Variants in ERMP1 observed in about 807,000 individuals in gnomAD.
ERMP1 encodes the protein Felix-ina.
A neutral mutation model predicts 92.0 loss-of-function variants in ERMP1; 86 were observed. That is an observed-to-expected ratio of 0.93 (90% CI 0.79 to 1.12). ERMP1 has a LOEUF of 1.12. ERMP1 is among the 50% of genes most tolerant of loss of function. The pLI is 0.00. For synonymous variants in ERMP1, 530 were observed against 412.8 expected (o/e 1.28, Z -3.44); for missense variants, 1,342 against 1,116.3 (o/e 1.20, Z -2.88).
chr9:5,788,051 T>C (rs1302358813), intron 13 of ERMP1, among the ~76,000 whole-genome samples: 2 of 152,172 alleles, frequency 1.3e-5, no homozygotes, highest in African/African-American at 2.4e-5. Flanking sequence ...AGCTGGAAAA[T>C]ATTAGCTCAG....
Position 5,821,893 on chromosome 9 carries a change from C to A in ERMP1, c.874+2003G>T, listed in dbSNP as rs977138923. Among the ~76,000 whole-genome samples, 8 of 152,326 alleles carry A rather than the reference C, an allele frequency of 5.3e-5. No homozygotes were observed. The East Asian group carries it at 1.5e-3, about 29-fold the overall frequency. ...AGTGTCCTCTCTCCTTCAGAATTTT[C>A]TTTTGCTGCTTTTTGATCTGGTGGT... On this transcript the variant is annotated intron_variant, in intron 4 of 14. Coordinates refer to ENST00000339450, the MANE Select transcript of ERMP1 (RefSeq NM_024896.3).
At chr9:5,797,371 C>T (rs943733931) in intron 13 of ERMP1, among the ~76,000 whole-genome samples, 2 of 151,976 alleles carry the variant, frequency 1.3e-5, no homozygotes, top group African/African-American at 4.8e-5. Context: ...CAGCTTTGGC[C>T]GGGCGTGGTG....
chr9:5,866,925 G>A (rs66632892), intron 5 of ERMP1, among the ~76,000 whole-genome samples: 42,262 of 152,058 alleles, frequency 0.28, 6,142 homozygotes, highest in East Asian at 0.55. Flanking sequence ...GTTGTTTGAG[G>A]CCAGGCACAG....
intron 2 of ERMP1, 107 bp downstream of exon 2, chr9:5,830,620 G>T (rs1345993261): frequency 1.6e-5 from 12 of 771,568 alleles, no homozygotes; most frequent in East Asian, 2.6e-5. Context: ...AAGAAAAAAG[G>T]TTTGCCCAAG....
chr9:5,812,776 C>T, intron 5 of ERMP1, 113 bp downstream of exon 5: 2 of 1,186,738 alleles, frequency 1.7e-6, no homozygotes, highest in Non-Finnish European at 2.5e-6. Context: ...GTATATTTCT[C>T]ACATAAAGAA....
At position 5,851,718 on chromosome 9, in the gene ERMP1, T is replaced by C. The variant is rs979186910; in HGVS notation, n.3199+7750A>G. Among the ~76,000 whole-genome samples, 13 of 152,298 alleles carry C rather than the reference T, an allele frequency of 8.5e-5. No individual in the cohort carries two copies. The East Asian group carries it at 1.7e-3, about 20-fold the overall frequency. ...GAGCTACAAAACCAAGGCCTGAAAGTTGCAAAACTAGGTACTGTGACTGTG... is the reference window on the plus strand; with the variant it reads ...GAGCTACAAAACCAAGGCCTGAAAGCTGCAAAACTAGGTACTGTGACTGTG... On this transcript the variant is annotated intron_variant and non_coding_transcript_variant, in intron 6 of 6. Transcript: ENST00000690753.
chr9:5,830,930 A>C lies in ERMP1; in HGVS notation c.437T>G (p.Leu146Arg). ...AAGGCTGTTGCTTTGCACTTCAATC[A>C]GTTTAATCTGTTCCAAAAGGTAGTG... ...TVHYLLEQIK[L>R]IEVQSNSLHK... Residue 146 changes from leucine to arginine, a missense_variant, in exon 2 of 15, where the codon CTG becomes CGG. By Grantham distance (102) the Leu-to-Arg change is moderately radical. Coordinates refer to ENST00000339450, the MANE Select transcript of ERMP1 (RefSeq NM_024896.3). The C allele has an allele frequency of 6.2e-7, 1 of 1,614,018 alleles. No individual in the cohort carries two copies. The highest frequency in any genetic ancestry group is 8.5e-7 in the Non-Finnish European group (1 of 1,179,908).
Position 5,832,879 on chromosome 9 carries a change from C to G in ERMP1, c.149G>C (p.Arg50Pro). Residue 50 changes from arginine (R) to proline (P), a missense_variant, in exon 1 of 15, where the codon CGG becomes CCG. By Grantham distance (103) the Arg-to-Pro change is moderately radical. Coordinates refer to ENST00000339450, the MANE Select transcript of ERMP1 (RefSeq NM_024896.3). ...GCCGCTACCCCCGGGGCTCCTCTTC[C>G]GCGTCCTCCCGCCGCCGCTGCACCC... Reference protein sequence around the residue: ...VDGCSGGGRTRKRSPGGSGGA... With the variant: ...VDGCSGGGRTPKRSPGGSGGA... The G allele has an allele frequency of 6.5e-7, 1 of 1,532,602 alleles. No homozygotes were observed. Among genetic ancestry groups the G allele is most frequent in the African/African-American group, 1.4e-5 (1 of 69,766 alleles). The allele number at this position is 1,532,602 out of a possible 1,614,324, so 94.9% of individuals were successfully genotyped here.
At chr9:5,797,765 T>C (rs1019314464) in intron 13 of ERMP1, 52 bp downstream of exon 13, 4 of 1,101,162 alleles carry the variant, frequency 3.6e-6, no homozygotes, top group Non-Finnish European at 5.4e-6. Context: ...ATGCCACTTA[T>C]TAACAAGTTT....
chr9:5,839,891 T>TA (rs1049130823), intron 6 of ERMP1, among the ~76,000 whole-genome samples: 5 of 152,152 alleles, frequency 3.3e-5, no homozygotes, highest in Admixed American at 6.5e-5. Flanking sequence ...GAGGACTTGC[T>TA]AAAAAAATCA....
At chr9:5,858,775 C>G (rs1487096568) in intron 6 of ERMP1, among the ~76,000 whole-genome samples, 1 of 152,206 alleles carries the variant, frequency 6.6e-6, no homozygotes, top group East Asian at 1.9e-4. Context: ...AATGCACACA[C>G]TCTCCCAGTT....
chr9:5,834,532 A>G (rs1830058916), upstream of ERMP1, among the ~76,000 whole-genome samples: 1 of 152,200 alleles, frequency 6.6e-6, no homozygotes, highest in Admixed American at 6.5e-5. Flanking sequence ...AAAAATGAAA[A>G]CATACCACTT....
At chr9:5,798,015 G>A in intron 12 of ERMP1, 83 bp from the exon 13 acceptor site, 1 of 847,400 alleles carries the variant, frequency 1.2e-6, no homozygotes. Context: ...CAGCATATAT[G>A]AACACATTTT....
chr9:5,841,897 T>A (rs145852876), intron 6 of ERMP1, among the ~76,000 whole-genome samples: 7 of 151,758 alleles, frequency 4.6e-5, no homozygotes, highest in Non-Finnish European at 1.0e-4. Flanking sequence ...GTGGTCTCAC[T>A]TGACTTCAGG....
At chr9:5,863,921 G>C (rs1191576041) in intron 5 of ERMP1, among the ~76,000 whole-genome samples, 1 of 152,114 alleles carries the variant, frequency 6.6e-6, no homozygotes, top group Non-Finnish European at 1.5e-5. Flanking sequence ...TAGTTCAGTA[G>C]TATAGATCTA....
chr9:5,832,435 G>A (rs567187471), intron 1 of ERMP1: 11 of 444,686 alleles, frequency 2.5e-5, no homozygotes, highest in African/African-American at 2.3e-4. Flanking sequence ...GCAGACAGTG[G>A]AAAGCAGGTT....
chr9:5,798,835 A>C lies in ERMP1; in HGVS notation c.2241T>G (p.Pro747=). 6.2e-7 allele frequency: 1 copy of C among 1,613,910 alleles called. No homozygotes were observed. The highest frequency in any genetic ancestry group is 8.5e-7 in the Non-Finnish European group (1 of 1,179,826). ...CEENAPLCGF[P]WYLPVHFLIR... ...TCAGAAAGTGCACTGGAAGATACCAAGGAAAACCACAAAGAGGTGCATTCT... is the reference window on the plus strand; with the variant it reads ...TCAGAAAGTGCACTGGAAGATACCACGGAAAACCACAAAGAGGTGCATTCT... Residue 747 remains proline (P), a synonymous_variant, in exon 12 of 15, where the codon CCT becomes CCG. Coordinates refer to ENST00000339450, the MANE Select transcript of ERMP1 (RefSeq NM_024896.3).
At chr9:5,846,033 G>A (rs1389842091) in intron 6 of ERMP1, among the ~76,000 whole-genome samples, 3 of 152,182 alleles carry the variant, frequency 2.0e-5, no homozygotes, top group Non-Finnish European at 2.9e-5. Context: ...GGTGCTACCT[G>A]GGGATCTGGG....
Position 5,801,226 on chromosome 9 carries a change from G to GA in ERMP1, c.2016dup (p.Pro673SerfsTer3). ...GGATTAGCAGGATTGGAGCTATATG[G>GA]AAAAAATGTTCCACTGCAAACAAGG... On this transcript the variant is annotated frameshift_variant, in exon 11 of 15. Transcript: ENST00000339450. LOFTEE classifies it high-confidence loss of function. 2 of 1,613,680 alleles carry GA rather than the reference G, an allele frequency of 1.2e-6. No individual in the cohort carries two copies. The highest frequency in any genetic ancestry group is 1.7e-6 in the Non-Finnish European group (2 of 1,179,806).
Sources: allele counts gnomAD v4.1 joint callset (sites outside exome capture counted in the v4.1 genomes callset), GRCh38; gene constraint gnomAD v4.1.1; transcripts MANE v1.5; gene names NCBI Gene and HGNC (gene_info 2026-07-23, HGNC 2026-07-21).